The following CD274 variants were observed in gnomAD, a reference collection of about 807,000 sequenced individuals.
The protein encoded by CD274 is programmed cell death 1 ligand 1.
A neutral mutation model predicts 30.1 loss-of-function variants in CD274; 8 were observed. The ratio of observed to expected loss-of-function variants is 0.27; its 90% CI spans 0.16 to 0.48. The LOEUF is 0.48. CD274 is among the 20% of genes least tolerant of loss of function. CD274 has a pLI of 0.99. For missense variants in CD274, 353 were observed against 346.6 expected (o/e 1.02, Z -0.15); for synonymous variants, 152 against 124.6 (o/e 1.22, Z -1.46).
rs2297135 is a variant in CD274 at position 5,470,108 on chromosome 9, T to G, written c.*2246T>G. ...GCCCTGGGAGATCCCAGAGTTTCCT[T>G]TCCCTCTTGGCCATATTCTGGTGTC... On this transcript the variant is annotated 3_prime_UTR_variant, in exon 7 of 7. Coordinates refer to ENST00000381577, the MANE Select transcript of CD274 (RefSeq NM_014143.4). 1,574 of 233,072 alleles carry G rather than the reference T, an allele frequency of 6.8e-3. 68 individuals are homozygous for G. The East Asian group carries it at 0.085, about 13-fold the overall frequency. 14.4% of individuals were successfully genotyped at this position (233,072 alleles called of 1,614,324 possible).
chr9:5,464,951 G>A (rs1226695318), intron 4 of CD274, among the ~76,000 whole-genome samples: 3 of 152,060 alleles, frequency 2.0e-5, no homozygotes, highest in Admixed American at 6.5e-5. Flanking sequence ...GCTGGGTGTG[G>A]TGGTGTGCAC....
intron 2 of CD274, among the ~76,000 whole-genome samples, chr9:5,456,648 C>G (rs1181285202): frequency 3.3e-5 from 5 of 152,112 alleles, no homozygotes; most frequent in Non-Finnish European, 5.9e-5. Flanking sequence ...GTACTTCTTG[C>G]CAGAAAACTG....
At chr9:5,467,434 G>C (rs1349268838) in intron 6 of CD274, among the ~76,000 whole-genome samples, 1 of 152,018 alleles carries the variant, frequency 6.6e-6, no homozygotes, top group Non-Finnish European at 1.5e-5. Context: ...ACCTCATCCA[G>C]GTTATTGAAC....
At chr9:5,451,324 T>A (rs1819198916) in intron 1 of CD274, among the ~76,000 whole-genome samples, 1 of 152,202 alleles carries the variant, frequency 6.6e-6, no homozygotes. Flanking sequence ...TTCGATTAGA[T>A]TGGGTAACTA....
Position 5,467,444 on chromosome 9 carries a change from C to T in CD274, c.851-396C>T, listed in dbSNP as rs1354491245. Among the ~76,000 whole-genome samples, 3 of 152,218 alleles carry T rather than the reference C, an allele frequency of 2.0e-5. No individual in the cohort carries two copies. The East Asian group carries it at 5.8e-4, about 29-fold the overall frequency. On this transcript the variant is annotated intron_variant, in intron 6 of 6. Transcript: ENST00000381577. ...GAAAAACCTCATCCAGGTTATTGAA[C>T]TAAGAAGAAAGTTATATTAAGGTTT...
At chr9:5,456,666 G>A (rs1819309883) in intron 2 of CD274, among the ~76,000 whole-genome samples, 1 of 152,186 alleles carries the variant, frequency 6.6e-6, no homozygotes, top group South Asian at 2.1e-4. Context: ...CTGATCAAAA[G>A]TTTAGGGAAG....
chr9:5,465,649 A>G, intron 5 of CD274, 43 bp downstream of exon 5: 1 of 1,188,788 alleles, frequency 8.4e-7, no homozygotes, highest in Non-Finnish European at 1.3e-6. Context: ...GGGGGTGAGG[A>G]AGGGGTGAGA....
At chr9:5,463,173 C>G (rs1188586008) in intron 4 of CD274, 52 bp downstream of exon 4, 3 of 1,374,544 alleles carry the variant, frequency 2.2e-6, no homozygotes, top group Admixed American at 1.7e-5. Flanking sequence ...TCCCCTAGCA[C>G]CTAGCATGAT....
chr9:5,454,123 T>A (rs749795508), intron 1 of CD274, among the ~76,000 whole-genome samples: 4 of 152,240 alleles, frequency 2.6e-5, no homozygotes, highest in Non-Finnish European at 5.9e-5. Context: ...TTCCATTATA[T>A]CACTTGGTCT....
At chr9:5,460,442 A>T (rs1421661205) in intron 3 of CD274, among the ~76,000 whole-genome samples, 6 of 152,108 alleles carry the variant, frequency 3.9e-5, no homozygotes, top group Admixed American at 3.9e-4. Context: ...ATCATGTAAG[A>T]TGAGTATTTT....
intron 1 of CD274, among the ~76,000 whole-genome samples, chr9:5,454,697 G>T (rs917640848): frequency 2.2e-4 from 33 of 152,038 alleles, no homozygotes; most frequent in African/African-American, 7.5e-4. Context: ...AGGGTGAAAG[G>T]TCTTATGACA....
chr9:5,461,062 T>C (rs1350337557), intron 3 of CD274, among the ~76,000 whole-genome samples: 1 of 152,208 alleles, frequency 6.6e-6, no homozygotes, highest in Non-Finnish European at 1.5e-5. Flanking sequence ...TTCACTATCA[T>C]TAGCTAATAT....
At position 5,460,238 on chromosome 9, in the gene CD274, A is replaced by G. The variant is rs147388339; in HGVS notation, c.395-2596A>G. On this transcript the variant is annotated intron_variant, in intron 3 of 6. Transcript: ENST00000381577. ...ATTTATTTCCAGACTGTTCATCAGG[A>G]ACTGTTAGCAGCTTCTAAAGGGTAC... Among the ~76,000 whole-genome samples the G allele has an allele frequency of 3.3e-3, 509 of 152,294 alleles. 4 individuals are homozygous for G. Among genetic ancestry groups the G allele is most frequent in the African/African-American group, 0.012 (486 of 41,550 alleles).
At chr9:5,458,188 A>T (rs1819341720) in intron 3 of CD274, among the ~76,000 whole-genome samples, 1 of 152,230 alleles carries the variant, frequency 6.6e-6, no homozygotes, top group Non-Finnish European at 1.5e-5. Flanking sequence ...TGTTGGCACT[A>T]GCTAAGTAAA....
chr9:5,465,449 T>C (rs775900667), intron 4 of CD274, 50 bp from the exon 5 acceptor site: 1 of 1,108,790 alleles, frequency 9.0e-7, no homozygotes, highest in Non-Finnish European at 1.4e-6. Flanking sequence ...CCCCTTCCCA[T>C]CAAAATTTTA....
chr9:5,463,177 G>C (rs1447161603), intron 4 of CD274, 56 bp downstream of exon 4: 1 of 1,316,392 alleles, frequency 7.6e-7, no homozygotes, highest in Non-Finnish European at 1.1e-6. Context: ...CTAGCACCTA[G>C]CATGATGTCT....
intron 1 of CD274, among the ~76,000 whole-genome samples, chr9:5,451,376 C>T (rs1227363432): frequency 6.6e-6 from 1 of 152,204 alleles, no homozygotes; most frequent in African/African-American, 2.4e-5. Flanking sequence ...AGGTTATTTA[C>T]AGTGGTTCTG....
intron 1 of CD274, among the ~76,000 whole-genome samples, chr9:5,454,125 A>G (rs879893612): frequency 3.9e-5 from 6 of 152,108 alleles, no homozygotes; most frequent in Admixed American, 3.9e-4. Flanking sequence ...CCATTATATC[A>G]CTTGGTCTGC....
intron 6 of CD274, among the ~76,000 whole-genome samples, chr9:5,467,215 AGAGAG>A (rs1819512261): frequency 2.0e-5 from 3 of 152,056 alleles, no homozygotes; most frequent in Non-Finnish European, 2.9e-5. Context: ...AGAGAGAGAG[AGAGAG>A]AGAGAGAAAT....
Sources: allele counts gnomAD v4.1 joint callset (sites outside exome capture counted in the v4.1 genomes callset), GRCh38; gene constraint gnomAD v4.1.1; transcripts MANE v1.5; gene names NCBI Gene and HGNC (gene_info 2026-07-23, HGNC 2026-07-21).